Variants in DNAI2 observed in about 807,000 individuals in gnomAD.
DNAI2 encodes dynein, axonemal, intermediate polypeptide 2.
In DNAI2, 63 loss-of-function variants were observed where a neutral mutation model predicts 74.7. That is an observed-to-expected ratio of 0.84 (90% CI 0.69 to 1.04). DNAI2 has a LOEUF of 1.04. Among genes scored for constraint, DNAI2 ranks in the 50% least tolerant of loss-of-function variants. The pLI, the probability that DNAI2 is intolerant of heterozygous loss-of-function variation, is 0.00. For missense variants in DNAI2, 688 were observed against 803.2 expected, an observed-to-expected ratio of 0.86 and a Z score of 1.73; for synonymous variants, 289 against 314.9, an observed-to-expected ratio of 0.92 and a Z score of 0.87.
At chr17:74,291,205 G>T (rs559643233) in intron 6 of DNAI2, 72 bp downstream of exon 6, 3 of 1,325,168 alleles carry the variant, frequency 2.3e-6, no homozygotes, top group Non-Finnish European at 3.2e-6. Context: ...TTGTTTCCCA[G>T]GCTGGAGTGT....
intron 8 of DNAI2, among the ~76,000 whole-genome samples, chr17:74,302,355 G>GT (rs2052906975): frequency 6.6e-6 from 1 of 152,150 alleles, no homozygotes; most frequent in African/African-American, 2.4e-5. Flanking sequence ...ATCACCTGAG[G>GT]TTGGGAGTTC....
At position 74,286,974 on chromosome 17, in the gene DNAI2, T is replaced by C; in HGVS notation, c.346-3T>C. The C allele has an allele frequency of 1.2e-6, 2 of 1,613,728 alleles. No homozygotes were observed. Among genetic ancestry groups the C allele is most frequent in the Non-Finnish European group, 8.5e-7 (1 of 1,179,758 alleles). The stretch of plus-strand genomic sequence containing the variant: ...CGGAGAACTTCCAATGTGTCCCCCC[T>C]AGATCATGGAGCACTGCATCAAGCA... On this transcript the variant is annotated splice_region_variant and splice_polypyrimidine_tract_variant and intron_variant, in intron 3 of 13. Transcript: ENST00000311014.
chr17:74,292,932 C>A (rs2052208247), intron 6 of DNAI2, among the ~76,000 whole-genome samples: 1 of 151,962 alleles, frequency 6.6e-6, no homozygotes, highest in South Asian at 2.1e-4. Flanking sequence ...TGGGTTCACG[C>A]CATTCTCCTG....
intron 3 of DNAI2, among the ~76,000 whole-genome samples, chr17:74,285,968 T>TATAC (rs1567845640): frequency 1.5e-5 from 2 of 137,100 alleles, no homozygotes; most frequent in Non-Finnish European, 3.2e-5. Flanking sequence ...CATATATATA[T>TATAC]ATAGAGAGAG....
chr17:74,302,555 G>A (rs1000801573), intron 8 of DNAI2, among the ~76,000 whole-genome samples: 4 of 151,468 alleles, frequency 2.6e-5, no homozygotes, highest in Non-Finnish European at 4.4e-5. Flanking sequence ...CGACAAGAGC[G>A]AAACTCCATC....
chr17:74,304,077 G>A (rs1261456001), intron 8 of DNAI2, among the ~76,000 whole-genome samples: 1 of 151,740 alleles, frequency 6.6e-6, no homozygotes, highest in African/African-American at 2.4e-5. Flanking sequence ...AGCTGAGATC[G>A]CACTGCTGCA....
chr17:74,281,727 G>T (rs759691143), intron 1 of DNAI2, 80 bp from the exon 2 acceptor site: 1 of 1,423,386 alleles, frequency 7.0e-7, no homozygotes, highest in Non-Finnish European at 9.8e-7. Flanking sequence ...TGAGAACCTG[G>T]AGCTGTCCTG....
Position 74,281,921 on chromosome 17 carries a change from C to T in DNAI2, c.104C>T (p.Pro35Leu), listed in dbSNP as rs145553576. The T allele has an allele frequency of 3.1e-6, 5 of 1,614,078 alleles. No individual in the cohort carries two copies. Among genetic ancestry groups the T allele is most frequent in the Non-Finnish European group, 4.2e-6 (5 of 1,180,046 alleles). Residue 35 changes from proline (P) to leucine (L), a missense_variant, in exon 2 of 14, where the codon CCT (proline) becomes CTT (leucine). Transcript: ENST00000311014. ...CTGAACATCGACATCATGCCCAACCCTGAGCTGGCCGAGCAGTTCGTGGAG... is the reference window on the plus strand; with the variant it reads ...CTGAACATCGACATCATGCCCAACCTTGAGCTGGCCGAGCAGTTCGTGGAG... ...AELNIDIMPN[P>L]ELAEQFVERN...
At chr17:74,294,555 A>G (rs1378340951) in intron 6 of DNAI2, among the ~76,000 whole-genome samples, 2 of 151,986 alleles carry the variant, frequency 1.3e-5, no homozygotes, top group Middle Eastern at 3.2e-3. Flanking sequence ...GCCTCAGGCA[A>G]TTCTCCCACC....
intron 12 of DNAI2, 135 bp downstream of exon 12, chr17:74,312,365 C>T (rs2053583354): frequency 4.3e-6 from 3 of 692,768 alleles, no homozygotes; most frequent in Non-Finnish European, 4.9e-6. Context: ...ATTTATTCAC[C>T]TGGCAAGTGG....
At chr17:74,306,721 G>A (rs1457959374) in intron 9 of DNAI2, among the ~76,000 whole-genome samples, 1 of 152,204 alleles carries the variant, frequency 6.6e-6, no homozygotes, top group African/African-American at 2.4e-5. Flanking sequence ...GAGTTCATGC[G>A]ATTCTCCTGC....
intron 9 of DNAI2, among the ~76,000 whole-genome samples, chr17:74,307,721 T>G (rs1443163226): frequency 2.6e-5 from 4 of 152,192 alleles, no homozygotes; most frequent in Non-Finnish European, 5.9e-5. Flanking sequence ...AAAACTATTT[T>G]TTTTTTAGTA....
chr17:74,311,932 G>C, intron 11 of DNAI2, 71 bp from the exon 12 acceptor site: 1 of 1,462,710 alleles, frequency 6.8e-7, no homozygotes, highest in Non-Finnish European at 9.4e-7. Context: ...AGCCCCACCT[G>C]GCCCCAGCAC....
intron 13 of DNAI2, among the ~76,000 whole-genome samples, 156 bp from the exon 14 acceptor site, chr17:74,314,433 A>AG (rs2053711701): frequency 6.6e-6 from 1 of 152,186 alleles, no homozygotes. Context: ...GAGAGAGGGA[A>AG]GGGGCGGGGC....
chr17:74,300,976 G>C lies in DNAI2; in HGVS notation c.865-70G>C. 6.2e-7 allele frequency: 1 copy of C among 1,601,924 alleles called. No individual in the cohort carries two copies. The highest frequency in any genetic ancestry group is 8.5e-7 in the Non-Finnish European group (1 of 1,174,346). ...GGCTGACCCCAGGACGGTGGGGTGA[G>C]GGCGGAGAAGGCAAAAGCCAGGGGA... On this transcript the variant is annotated intron_variant, in intron 7 of 13. Coordinates refer to ENST00000311014, the MANE Select transcript of DNAI2 (RefSeq NM_023036.6). The surrounding 1 kb of genome is among the most constrained non-coding windows in gnomAD (Gnocchi z 4.5).
intron 1 of DNAI2, among the ~76,000 whole-genome samples, chr17:74,280,484 G>A (rs970853440): frequency 4.6e-5 from 7 of 152,194 alleles, no homozygotes; most frequent in Admixed American, 2.0e-4. Context: ...TCCATGTCCC[G>A]CCTGTTGGGG....
intron 12 of DNAI2, 169 bp from the exon 13 acceptor site, chr17:74,313,952 T>G: frequency 9.9e-7 from 1 of 1,006,140 alleles, no homozygotes; most frequent in South Asian, 1.4e-5. Context: ...CTTTCCGCAC[T>G]GTCTGGGCCC....
At chr17:74,314,325 G>A in intron 13 of DNAI2, 54 bp downstream of exon 13, 10 of 1,596,048 alleles carry the variant, frequency 6.3e-6, no homozygotes, top group Non-Finnish European at 8.6e-6. Flanking sequence ...AAGCAGCACT[G>A]GGTGGTGGGC....
chr17:74,301,079 C>T lies in DNAI2; in HGVS notation c.898C>T (p.Pro300Ser), dbSNP rs1212611112. 8.1e-6 allele frequency: 13 copies of T among 1,613,882 alleles called. No individual in the cohort carries two copies. Among genetic ancestry groups the T allele is most frequent in the Non-Finnish European group, 8.5e-6 (10 of 1,179,938 alleles). The change falls in exon 8 of 14, where the codon CCC becomes TCC. Residue 300 changes from proline to serine, a missense_variant. Transcript: ENST00000311014. ...MWWDIRKMSE[P>S]TEVVILDITK... ...GTGGGACATCCGAAAGATGAGCGAGCCCACTGAAGTTGTGATCTTGGACAT... is the reference window on the plus strand; with the variant it reads ...GTGGGACATCCGAAAGATGAGCGAGTCCACTGAAGTTGTGATCTTGGACAT...
Sources: allele counts gnomAD v4.1 joint callset (sites outside exome capture counted in the v4.1 genomes callset), GRCh38; gene constraint gnomAD v4.1.1; non-coding constraint Gnocchi (gnomAD v3.1); transcripts MANE v1.5; gene names NCBI Gene and HGNC (gene_info 2026-07-23, HGNC 2026-07-21).